Variants in ERO1B observed in about 807,000 individuals in gnomAD.
ERO1B encodes ERO1-like protein beta.
ERO1B carries 49 observed loss-of-function variants against 75.3 expected under a neutral mutation model. The ratio of observed to expected loss-of-function variants is 0.65; its 90% confidence interval spans 0.52 to 0.83. ERO1B has a LOEUF of 0.83. Ranked by LOEUF, ERO1B falls within the 40% of genes least tolerant of loss-of-function variation. The pLI, the probability that ERO1B is intolerant of heterozygous loss-of-function variation, is 0.00. For synonymous variants in ERO1B, 191 were observed against 192.9 expected, an observed-to-expected ratio of 0.99 and a Z score of 0.08; for missense variants, 512 against 560.1, an observed-to-expected ratio of 0.91 and a Z score of 0.87.
rs114486279 is a variant in ERO1B at position 236,224,243 on chromosome 1, T to G, written c.1122+827A>C. ...GTTTTGCTAAAAAATTACCTTGCACTAAACATAAGAAAATGTTTCAGTTTT... is the reference window on the plus strand; with the variant it reads ...GTTTTGCTAAAAAATTACCTTGCACGAAACATAAGAAAATGTTTCAGTTTT... On this transcript the variant is annotated intron_variant, in intron 13 of 15. Transcript: ENST00000354619. Among the ~76,000 whole-genome samples the G allele has an allele frequency of 5.4e-3, 817 of 152,278 alleles. 10 individuals are homozygous for G. The highest frequency in any genetic ancestry group is 0.017 in the African/African-American group (723 of 41,566).
rs371087359 is a variant in ERO1B, at chr1:236,245,318, A to G, written c.432-1823T>C. Among the ~76,000 whole-genome samples, 112 of 20,550 alleles carry G rather than the reference A, an allele frequency of 5.5e-3. 9 individuals are homozygous for G. In the East Asian group the frequency reaches 0.16, roughly 30 times the overall value. 13.5% of individuals were successfully genotyped at this position (20,550 alleles called of 152,430 possible). ...TCAAAATATATATATATATATATAT[A>G]TATACACACACGTATATATATACGT... On this transcript the variant is annotated intron_variant, in intron 5 of 15. Coordinates refer to ENST00000354619, the MANE Select transcript of ERO1B (RefSeq NM_019891.4).
At position 236,225,056 on chromosome 1, in the gene ERO1B, C is replaced by G; in HGVS notation, c.1122+14G>C. On this transcript the variant is annotated intron_variant, in intron 13 of 15. Transcript: ENST00000354619. ...ACTGCTCCCAACCCCGTGTCCCAATCGAGAACTTTTTACCTTTAGTGACTT... is the reference window on the plus strand; with the variant it reads ...ACTGCTCCCAACCCCGTGTCCCAATGGAGAACTTTTTACCTTTAGTGACTT... 3.7e-6 allele frequency: 6 copies of G among 1,612,966 alleles called. No individual in the cohort carries two copies. Among genetic ancestry groups the G allele is most frequent in the Non-Finnish European group, 5.1e-6 (6 of 1,179,002 alleles).
rs1464696922 is a variant in ERO1B at position 236,216,795 on chromosome 1, T to G, written c.*1721A>C. The G allele has an allele frequency of 1.3e-5, 2 of 152,020 alleles. No individual in the cohort carries two copies. Among genetic ancestry groups the G allele is most frequent in the African/African-American group, 4.8e-5 (2 of 41,414 alleles). 9.4% of individuals were successfully genotyped at this position (152,020 alleles called of 1,614,324 possible). On this transcript the variant is annotated 3_prime_UTR_variant, in exon 16 of 16. Coordinates refer to ENST00000354619, the MANE Select transcript of ERO1B (RefSeq NM_019891.4). ...ACTCTGAGTGAATACTAAGAATAATTCTTACTAATTTACTAGTTAAATTAA... is the reference window on the plus strand; with the variant it reads ...ACTCTGAGTGAATACTAAGAATAATGCTTACTAATTTACTAGTTAAATTAA...
chr1:236,263,048 T>G (rs1296682460), intron 2 of ERO1B, among the ~76,000 whole-genome samples: 1 of 152,122 alleles, frequency 6.6e-6, no homozygotes, highest in Admixed American at 6.6e-5. Context: ...TACCTGAGGT[T>G]TCCACTGAGG....
intron 1 of ERO1B, among the ~76,000 whole-genome samples, chr1:236,280,242 A>T (rs976117055): frequency 1.3e-5 from 2 of 152,248 alleles, no homozygotes; most frequent in African/African-American, 4.8e-5. Flanking sequence ...TGTGCTATAT[A>T]AAAAGAGAAA....
At position 236,268,612 on chromosome 1, in the gene ERO1B, C is replaced by A. The variant is rs6428949; in HGVS notation, c.222+1263G>T. On this transcript the variant is annotated intron_variant, in intron 2 of 15. Transcript: ENST00000354619. Reference sequence around the variant, plus strand: ...TAAAAAAAGCAAAAACAAGGCCGGGCGCGGTGGCTCACGCCTGTAATCCCA... The same window carrying A: ...TAAAAAAAGCAAAAACAAGGCCGGGAGCGGTGGCTCACGCCTGTAATCCCA... 9.5e-3 allele frequency among the ~76,000 whole-genome samples: 1,442 copies of A among 152,144 alleles called. 23 individuals are homozygous for A. The highest frequency in any genetic ancestry group is 0.032 in the African/African-American group (1,333 of 41,492).
At position 236,235,645 on chromosome 1, in the gene ERO1B, C is replaced by T. The variant is rs141816929; in HGVS notation, c.673+144G>A. Reference sequence around the variant, plus strand: ...CAACATGCCTAGAGATCTCGAGACTCGACTATGAACTAATCTTACACTTTT... The same window carrying T: ...CAACATGCCTAGAGATCTCGAGACTTGACTATGAACTAATCTTACACTTTT... On this transcript the variant is annotated intron_variant, in intron 8 of 15. Coordinates refer to ENST00000354619, the MANE Select transcript of ERO1B (RefSeq NM_019891.4). The T allele has an allele frequency of 5.5e-4, 367 of 672,714 alleles. 2 individuals are homozygous for T. Among genetic ancestry groups the T allele is most frequent in the Non-Finnish European group, 8.4e-4 (340 of 404,488 alleles). 41.7% of individuals were successfully genotyped at this position (672,714 alleles called of 1,614,324 possible).
intron 6 of ERO1B, among the ~76,000 whole-genome samples, chr1:236,239,877 A>ATATGTATATATATGTGTATATG (rs1572042468): frequency 0.096 from 8,813 of 91,378 alleles, 996 homozygotes; most frequent in East Asian, 0.18. Flanking sequence ...ATATGTGTAT[A>ATATGTATATATATGTGTATATG]TGTGTGTGTG....
At chr1:236,271,983 G>A (rs1203456081) in intron 1 of ERO1B, among the ~76,000 whole-genome samples, 1 of 151,980 alleles carries the variant, frequency 6.6e-6, no homozygotes, top group East Asian at 1.9e-4. Context: ...AGACTACTGA[G>A]ACAGAAACCT....
intron 6 of ERO1B, among the ~76,000 whole-genome samples, chr1:236,243,065 A>T (rs182880750): frequency 6.6e-6 from 1 of 152,362 alleles, no homozygotes; most frequent in East Asian, 1.9e-4. Context: ...GGCAGATGGT[A>T]TATCATAATG....
chr1:236,224,207 G>T (rs771088856), intron 13 of ERO1B, among the ~76,000 whole-genome samples: 9 of 152,104 alleles, frequency 5.9e-5, no homozygotes, highest in Non-Finnish European at 1.2e-4. Flanking sequence ...TCTTACACCA[G>T]TTTAGGTCAG....
In ERO1B at chr1:236,230,381, G is replaced by A. The variant is rs1459233328; in HGVS notation, c.686-131C>T. The A allele has an allele frequency of 2.2e-5, 15 of 677,036 alleles. No individual in the cohort carries two copies. The African/African-American group carries it at 2.4e-4, about 11-fold the overall frequency. The allele number at this position is 677,036 out of a possible 1,614,324, so 41.9% of individuals were successfully genotyped here. A position where few individuals can be genotyped will look rare whatever the true frequency, so the allele number is the denominator to read the frequency against. On this transcript the variant is annotated intron_variant, in intron 9 of 15. Transcript: ENST00000354619. The stretch of plus-strand genomic sequence containing the variant: ...AATCCTAGCACTTTGGGAGGCCGAG[G>A]TGGGCTGATCACTTGAGGCCAGGAG...
chr1:236,238,686 T>G (rs1432891862), intron 6 of ERO1B, among the ~76,000 whole-genome samples: 2 of 151,706 alleles, frequency 1.3e-5, no homozygotes, highest in Non-Finnish European at 2.9e-5. Context: ...AGCTTCACAA[T>G]ATAACATTAA....
rs376161924 is a variant in ERO1B, at chr1:236,225,166, G to A, written c.1053-27C>T. 39 of 1,607,360 alleles carry A rather than the reference G, an allele frequency of 2.4e-5. No individual in the cohort carries two copies. In the African/African-American group the frequency reaches 4.9e-4, roughly 20 times the overall value. On this transcript the variant is annotated intron_variant, in intron 12 of 15. Coordinates refer to ENST00000354619, the MANE Select transcript of ERO1B (RefSeq NM_019891.4). ...TGATAAAATGATAGTATTGGATTAA[G>A]TTACACATGAAAAATCCACGTACTC...
At chr1:236,218,630 C>T in intron 15 of ERO1B, 54 bp from the exon 16 acceptor site, 1 of 1,224,168 alleles carries the variant, frequency 8.2e-7, no homozygotes, top group African/African-American at 1.6e-5. Context: ...CATACTGTTT[C>T]AAATTATTGA....
chr1:236,225,247 T>C, intron 12 of ERO1B, 108 bp from the exon 13 acceptor site: 1 of 1,025,816 alleles, frequency 9.7e-7, no homozygotes, highest in Non-Finnish European at 1.5e-6. Flanking sequence ...AATTCATTAT[T>C]TACTCCGATG....
chr1:236,279,492 G>A lies in ERO1B; in HGVS notation c.102+2190C>T, dbSNP rs547751473. Among the ~76,000 whole-genome samples the A allele has an allele frequency of 9.4e-4, 49 of 51,946 alleles. 1 individual carries two copies. Among genetic ancestry groups the A allele is most frequent in the African/African-American group, 2.3e-3 (36 of 15,980 alleles). The allele number at this position is 51,946 out of a possible 152,430, so 34.1% of individuals were successfully genotyped here. A position where few individuals can be genotyped will look rare whatever the true frequency, so the allele number is the denominator to read the frequency against. ...CACTCCAGTCTGGGTGACACAGAGCGAGACTCCATCTCAAAAAAAAAAAAA... is the reference window on the plus strand; with the variant it reads ...CACTCCAGTCTGGGTGACACAGAGCAAGACTCCATCTCAAAAAAAAAAAAA... On this transcript the variant is annotated intron_variant, in intron 1 of 15. Coordinates refer to ENST00000354619, the MANE Select transcript of ERO1B (RefSeq NM_019891.4).
At chr1:236,279,346 A>T (rs1665772057) in intron 1 of ERO1B, among the ~76,000 whole-genome samples, 1 of 151,278 alleles carries the variant, frequency 6.6e-6, no homozygotes, top group Non-Finnish European at 1.5e-5. Flanking sequence ...CTACTAAAAA[A>T]TACAAAATTA....
At chr1:236,234,213 T>TTCTTCTTTTCTCC (rs1224001291) in intron 8 of ERO1B, among the ~76,000 whole-genome samples, 4 of 152,214 alleles carry the variant, frequency 2.6e-5, no homozygotes, top group African/African-American at 9.7e-5. Flanking sequence ...TATTTCATTT[T>TTCTTCTTTTCTCC]TCTTCTTTTC....
Sources: gnomAD v4.1 joint callset for allele counts (sites outside exome capture counted in the v4.1 genomes callset) on GRCh38, gnomAD v4.1.1 for gene constraint, MANE v1.5 for transcripts, NCBI Gene and HGNC (gene_info 2026-07-23, HGNC 2026-07-21) for gene names.